Variants in DACH1 observed in about 807,000 individuals in gnomAD.
DACH1 encodes dachshund family transcription factor 1.
DACH1 carries 12 observed loss-of-function variants against 54.2 expected under a neutral mutation model. The observed-to-expected ratio is 0.22, with a 90% CI of 0.14 to 0.36. The LOEUF is 0.36. DACH1 is among the 10% of genes least tolerant of loss of function. DACH1 has a pLI of 1.00. For synonymous variants in DACH1, 386 were observed against 366.2 expected (o/e 1.05, Z -0.62); for missense variants, 805 against 929.8 (o/e 0.87, Z 1.75).
intron 2 of DACH1, among the ~76,000 whole-genome samples, chr13:71,653,884 T>A (rs1002875598): frequency 6.6e-6 from 1 of 152,190 alleles, no homozygotes; most frequent in African/African-American, 2.4e-5. Flanking sequence ...TTTGACATTT[T>A]CTACAGAGTA....
At chr13:71,587,351 C>T (rs1873359233) in intron 3 of DACH1, among the ~76,000 whole-genome samples, 1 of 151,962 alleles carries the variant, frequency 6.6e-6, no homozygotes, top group Admixed American at 6.6e-5. Flanking sequence ...GTCTTATTTC[C>T]AGTTTGATTT....
rs551036075 is a variant in DACH1 at position 71,735,247 on chromosome 13, TG to T, written c.849-53338del. The stretch of plus-strand genomic sequence containing the variant: ...CATATGTATATGGGATACACGTATA[TG>T]GGATATACGTGTATATGGGATACAC... On this transcript the variant is annotated intron_variant, in intron 1 of 10. Coordinates refer to ENST00000613252, the MANE Select transcript of DACH1 (RefSeq NM_080759.6). 4.6e-4 allele frequency among the ~76,000 whole-genome samples: 59 copies of T among 127,342 alleles called. 12 individuals are homozygous for T. Among genetic ancestry groups the T allele is most frequent in the Admixed American group, 8.3e-4 (10 of 12,068 alleles). 83.5% of individuals were successfully genotyped at this position (127,342 alleles called of 152,430 possible). A position where few individuals can be genotyped will look rare whatever the true frequency, so the allele number is the denominator to read the frequency against.
chr13:71,598,969 T>A (rs1358297846), intron 3 of DACH1, among the ~76,000 whole-genome samples: 1 of 152,152 alleles, frequency 6.6e-6, no homozygotes, highest in East Asian at 1.9e-4. Flanking sequence ...GCTCTAACTT[T>A]TTTAAAGTGT....
intron 1 of DACH1, among the ~76,000 whole-genome samples, chr13:71,847,823 A>C: frequency 6.6e-6 from 1 of 152,320 alleles, no homozygotes; most frequent in East Asian, 1.9e-4. Context: ...CTACTGACAA[A>C]GGAAGAACAA....
chr13:71,503,323 CAT>C (rs1566301570), intron 6 of DACH1, among the ~76,000 whole-genome samples: 1 of 152,148 alleles, frequency 6.6e-6, no homozygotes, highest in Non-Finnish European at 1.5e-5. Flanking sequence ...TGGCACATAA[CAT>C]ATTTTTATAT....
chr13:71,857,535 A>G (rs767350725), intron 1 of DACH1, among the ~76,000 whole-genome samples: 4 of 151,870 alleles, frequency 2.6e-5, no homozygotes, highest in Non-Finnish European at 4.4e-5. Context: ...AATGTACGAC[A>G]ATTATTTAAA....
intron 1 of DACH1, among the ~76,000 whole-genome samples, chr13:71,743,430 G>A (rs1028628490): frequency 2.6e-5 from 4 of 152,204 alleles, no homozygotes; most frequent in Non-Finnish European, 5.9e-5. Flanking sequence ...AATCAGGACT[G>A]CTGATTATTA....
intron 3 of DACH1, among the ~76,000 whole-genome samples, chr13:71,616,227 A>G (rs1199927439): frequency 6.6e-6 from 1 of 152,050 alleles, no homozygotes; most frequent in Non-Finnish European, 1.5e-5. Flanking sequence ...TGGGGAGACT[A>G]GAGGTAGATA....
intron 6 of DACH1, among the ~76,000 whole-genome samples, chr13:71,512,775 T>C (rs1052958270): frequency 6.6e-6 from 1 of 151,978 alleles, no homozygotes; most frequent in Non-Finnish European, 1.5e-5. Context: ...AAACTGTGTG[T>C]GTCTAAATTG....
At chr13:71,520,232 A>G (rs1202166281) in intron 6 of DACH1, among the ~76,000 whole-genome samples, 1 of 151,450 alleles carries the variant, frequency 6.6e-6, no homozygotes, top group African/African-American at 2.4e-5. Context: ...ACAGAGATAA[A>G]ATGGTACCAT....
intron 2 of DACH1, among the ~76,000 whole-genome samples, chr13:71,656,855 G>A (rs560184259): frequency 1.5e-4 from 21 of 144,168 alleles, no homozygotes; most frequent in Admixed American, 6.3e-4. Context: ...GACAGATATA[G>A]ATAGACAGAT....
chr13:71,696,242 C>A (rs1213594390), intron 1 of DACH1, among the ~76,000 whole-genome samples: 2 of 152,054 alleles, frequency 1.3e-5, no homozygotes, highest in East Asian at 3.9e-4. Context: ...ATCATGAGAT[C>A]TAATAATAAC....
At chr13:71,531,447 T>G (rs1312767621) in intron 6 of DACH1, among the ~76,000 whole-genome samples, 1 of 152,024 alleles carries the variant, frequency 6.6e-6, no homozygotes, top group Non-Finnish European at 1.5e-5. Context: ...ATGGCAAATC[T>G]CTAAGAGGTG....
chr13:71,755,676 T>C (rs1437121283), intron 1 of DACH1, among the ~76,000 whole-genome samples: 1 of 152,196 alleles, frequency 6.6e-6, no homozygotes, highest in African/African-American at 2.4e-5. Context: ...TTTCTTCACA[T>C]AGATCTTTAA....
intron 1 of DACH1, among the ~76,000 whole-genome samples, chr13:71,764,474 A>G (rs1294140552): frequency 6.6e-6 from 1 of 152,166 alleles, no homozygotes; most frequent in Non-Finnish European, 1.5e-5. Context: ...AAAACTATAA[A>G]TGTTATAAAT....
At chr13:71,741,773 T>G (rs966480898) in intron 1 of DACH1, among the ~76,000 whole-genome samples, 1 of 152,162 alleles carries the variant, frequency 6.6e-6, no homozygotes. Context: ...TTTCTCTCAT[T>G]TTTTAGGCTA....
chr13:71,698,572 T>A (rs1048370583), intron 1 of DACH1, among the ~76,000 whole-genome samples: 1 of 152,058 alleles, frequency 6.6e-6, no homozygotes, highest in Non-Finnish European at 1.5e-5. Flanking sequence ...CCCTAAAGGC[T>A]CATATAATTG....
chr13:71,846,627 A>G (rs1566539942), intron 1 of DACH1, among the ~76,000 whole-genome samples: 1 of 152,210 alleles, frequency 6.6e-6, no homozygotes, highest in Non-Finnish European at 1.5e-5. Flanking sequence ...AGACTCTTCC[A>G]TAGGTAGGTA....
intron 2 of DACH1, among the ~76,000 whole-genome samples, chr13:71,653,796 C>A (rs1044515663): frequency 1.3e-5 from 2 of 151,788 alleles, no homozygotes; most frequent in African/African-American, 2.4e-5. Flanking sequence ...TTTTTTAATG[C>A]CAGAACTGAT....
Sources: gnomAD v4.1 joint callset for allele counts (sites outside exome capture counted in the v4.1 genomes callset) on GRCh38, gnomAD v4.1.1 for gene constraint, MANE v1.5 for transcripts, NCBI Gene and HGNC (gene_info 2026-07-23, HGNC 2026-07-21) for gene names.